The following MBNL1 variants were observed in gnomAD, a reference collection of about 807,000 sequenced individuals.
MBNL1 encodes the protein muscleblind like splicing regulator 1.
In MBNL1, 8 loss-of-function variants were observed where a neutral mutation model predicts 42.2. That is an observed-to-expected ratio of 0.19 (90% confidence interval 0.11 to 0.34). The LOEUF (loss-of-function observed/expected upper bound fraction) is 0.34. Ranked by LOEUF, MBNL1 falls within the 10% of genes least tolerant of loss-of-function variation. The pLI, the probability that MBNL1 is intolerant of heterozygous loss-of-function variation, is 1.00. For missense variants in MBNL1, 309 were observed against 495.3 expected (o/e 0.62, Z 3.57); for synonymous variants, 169 against 173.9 (o/e 0.97, Z 0.22).
intron 2 of MBNL1, among the ~76,000 whole-genome samples, chr3:152,257,481 T>C (rs561118488): frequency 6.6e-6 from 1 of 152,180 alleles, no homozygotes; most frequent in African/African-American, 2.4e-5. Context: ...CTCTCATTGG[T>C]GACCCATCAT....
At chr3:152,272,725 G>C (rs989959866) in intron 1 of MBNL1, among the ~76,000 whole-genome samples, 4 of 152,080 alleles carry the variant, frequency 2.6e-5, no homozygotes, top group Non-Finnish European at 5.9e-5. Flanking sequence ...TAACATTATG[G>C]GCTCTGAAGA....
intron 1 of MBNL1, 56 bp downstream of exon 1, chr3:152,269,148 G>A (rs2038405596): frequency 1.8e-5 from 8 of 433,224 alleles, no homozygotes; most frequent in South Asian, 1.3e-4. Context: ...GACTCCGGCG[G>A]GTCTGCCCGT....
chr3:152,357,749 G>A (rs2095631255), intron 2 of MBNL1, among the ~76,000 whole-genome samples: 1 of 152,176 alleles, frequency 6.6e-6, no homozygotes, highest in African/African-American at 2.4e-5. Flanking sequence ...ATTGGCTATA[G>A]ACTGACATGA....
intron 2 of MBNL1, among the ~76,000 whole-genome samples, chr3:152,339,476 T>A (rs1249786963): frequency 6.6e-6 from 1 of 151,976 alleles, no homozygotes; most frequent in Non-Finnish European, 1.5e-5. Flanking sequence ...CCCCTTCCTT[T>A]TCTTTTTTTT....
intron 2 of MBNL1, among the ~76,000 whole-genome samples, chr3:152,381,389 A>G (rs1239453167): frequency 6.6e-6 from 1 of 152,044 alleles, no homozygotes; most frequent in African/African-American, 2.4e-5. Flanking sequence ...CAAACAAAAA[A>G]AAGTAAAAAC....
intron 2 of MBNL1, among the ~76,000 whole-genome samples, chr3:152,323,785 A>C (rs1337645370): frequency 2.0e-5 from 3 of 152,162 alleles, no homozygotes; most frequent in African/African-American, 4.8e-5. Context: ...GGAATTTTTC[A>C]GCTCCATTGT....
chr3:152,309,931 G>C (rs886632518), intron 2 of MBNL1, among the ~76,000 whole-genome samples: 3 of 152,124 alleles, frequency 2.0e-5, no homozygotes, highest in African/African-American at 4.8e-5. Flanking sequence ...ATAATCATAG[G>C]ATAATAAAAT....
At chr3:152,330,857 T>C (rs1026451467) in intron 2 of MBNL1, among the ~76,000 whole-genome samples, 1 of 152,084 alleles carries the variant, frequency 6.6e-6, no homozygotes, top group Non-Finnish European at 1.5e-5. Context: ...TATTTAGGGG[T>C]TGTTACTGTC....
chr3:152,442,729 A>C (rs1037736627), intron 4 of MBNL1, among the ~76,000 whole-genome samples: 1 of 152,188 alleles, frequency 6.6e-6, no homozygotes, highest in Admixed American at 6.5e-5. Context: ...GATGATGTCT[A>C]TTAGGGAAAA....
chr3:152,457,290 G>A (rs1735558930), intron 8 of MBNL1, among the ~76,000 whole-genome samples: 2 of 152,136 alleles, frequency 1.3e-5, no homozygotes, highest in Admixed American at 1.3e-4. Flanking sequence ...GAAAAACATA[G>A]AGCCAAGCCA....
chr3:152,451,457 C>T (rs1722855791), intron 6 of MBNL1, among the ~76,000 whole-genome samples: 1 of 152,138 alleles, frequency 6.6e-6, no homozygotes, highest in African/African-American at 2.4e-5. Flanking sequence ...CTTCCTCTGT[C>T]CTTCAGTTTT....
intron 3 of MBNL1, among the ~76,000 whole-genome samples, chr3:152,427,243 T>A (rs888060881): frequency 4.6e-5 from 7 of 152,174 alleles, no homozygotes; most frequent in African/African-American, 1.7e-4. Context: ...TCCAGAGTGT[T>A]CTTTATTTAA....
At chr3:152,283,810 A>G (rs1480132347) in intron 1 of MBNL1, among the ~76,000 whole-genome samples, 1 of 152,132 alleles carries the variant, frequency 6.6e-6, no homozygotes, top group African/African-American at 2.4e-5. Flanking sequence ...CCCTGCCATT[A>G]CTGTCTGGAT....
chr3:152,263,299 T>TC (rs1190690367), upstream of MBNL1: 1 of 152,210 alleles, frequency 6.6e-6, no homozygotes, highest in Non-Finnish European at 1.5e-5. Context: ...TACAAACAGT[T>TC]CCCTATCTCT....
At chr3:152,274,922 A>G (rs2044075930) in intron 1 of MBNL1, among the ~76,000 whole-genome samples, 1 of 152,184 alleles carries the variant, frequency 6.6e-6, no homozygotes, top group African/African-American at 2.4e-5. Context: ...AGGATTCAAG[A>G]TGAGGACTTA....
intron 4 of MBNL1, among the ~76,000 whole-genome samples, chr3:152,443,325 A>G (rs1327165243): frequency 1.3e-5 from 2 of 152,094 alleles, no homozygotes; most frequent in Non-Finnish European, 1.5e-5. Context: ...CATTTTGAGC[A>G]TATTCAAGAA....
chr3:152,276,320 CTATGG>C (rs2150097263), intron 1 of MBNL1, among the ~76,000 whole-genome samples: 1 of 152,180 alleles, frequency 6.6e-6, no homozygotes, highest in South Asian at 2.1e-4. Flanking sequence ...CAGAACAACC[CTATGG>C]TATAGGTACT....
At chr3:152,436,392 G>T (rs2099078624) in intron 4 of MBNL1, among the ~76,000 whole-genome samples, 2 of 152,136 alleles carry the variant, frequency 1.3e-5, no homozygotes, top group South Asian at 2.1e-4. Context: ...CTGGATTTTT[G>T]AGTGATTTGT....
chr3:152,422,285 A>AAG (rs56206900), intron 3 of MBNL1, among the ~76,000 whole-genome samples: 2 of 150,096 alleles, frequency 1.3e-5, no homozygotes, highest in African/African-American at 4.9e-5. Context: ...AAAAAAAAAA[A>AAG]GCAGGAGTTG....
Sources: allele counts gnomAD v4.1 joint callset (sites outside exome capture counted in the v4.1 genomes callset), GRCh38; gene constraint gnomAD v4.1.1; transcripts MANE v1.5; gene names NCBI Gene and HGNC (gene_info 2026-07-23, HGNC 2026-07-21).